SLC36A1: variants seen among roughly 807,000 people sequenced by gnomAD.
SLC36A1 encodes the protein solute carrier family 36 member 1, also known as proton-coupled amino acid transporter 1.
In SLC36A1, 30 loss-of-function variants were observed where a neutral mutation model predicts 47.5. The ratio of observed to expected loss-of-function variants is 0.63; its 90% CI spans 0.47 to 0.86. The LOEUF (loss-of-function observed/expected upper bound fraction) is 0.86, where lower values mean the gene tolerates loss of function less well. SLC36A1 is among the 40% of genes least tolerant of loss of function. The probability of loss-of-function intolerance (pLI) is 0.00; values close to 1 mark genes in which losing one functional copy is unlikely to be tolerated. For synonymous variants in SLC36A1, 255 were observed against 249.7 expected (o/e 1.02, Z -0.20); for missense variants, 517 against 606.0 (o/e 0.85, Z 1.54).
At chr5:151,523,133 T>A in the SLC36A1 span, among the ~76,000 whole-genome samples, 1 of 152,100 alleles carries the variant, frequency 6.6e-6, no homozygotes, top group African/African-American at 2.4e-5. Context: ...ACACTTTTAA[T>A]GTACAAGAAA....
At chr5:151,366,468 C>T in the SLC36A1 span, 1 of 277,866 alleles carries the variant, frequency 3.6e-6, no homozygotes, top group South Asian at 4.0e-5. Flanking sequence ...AGAAGGTCCC[C>T]ACCAAAAATC....
chr5:151,544,053 T>C, the SLC36A1 span: 5 of 1,614,026 alleles, frequency 3.1e-6, no homozygotes, highest in East Asian at 6.7e-5. Flanking sequence ...CACCAGTGAG[T>C]GGGGGATCTC....
the SLC36A1 span, among the ~76,000 whole-genome samples, chr5:151,552,406 G>C: frequency 2.0e-5 from 3 of 152,190 alleles, no homozygotes; most frequent in Non-Finnish European, 4.4e-5. Context: ...CAAAGAGCTT[G>C]GGTCAAGGGC....
the SLC36A1 span, chr5:151,420,136 C>G: frequency 1.3e-5 from 2 of 152,244 alleles, no homozygotes; most frequent in Non-Finnish European, 2.9e-5. Context: ...CTGGTGCCCA[C>G]TGAGCCTCCC....
At chr5:151,456,646 T>A (rs574033820) in intron 1 of SLC36A1, among the ~76,000 whole-genome samples, 1 of 152,282 alleles carries the variant, frequency 6.6e-6, no homozygotes, top group Admixed American at 6.5e-5. Flanking sequence ...GAAGCTCTCA[T>A]AGATTTTTAG....
upstream of SLC36A1, among the ~76,000 whole-genome samples, chr5:151,444,888 A>T (rs1376533143): frequency 6.6e-6 from 1 of 152,226 alleles, no homozygotes; most frequent in East Asian, 1.9e-4. Context: ...TGTCACCTGC[A>T]GATAAAGATA....
chr5:151,351,615 G>A, the SLC36A1 span, among the ~76,000 whole-genome samples: 3 of 152,012 alleles, frequency 2.0e-5, no homozygotes, highest in Non-Finnish European at 4.4e-5. Flanking sequence ...TCATTTATCC[G>A]TTTCTTTTTT....
chr5:151,363,779 TTATTCAA>T, the SLC36A1 span, among the ~76,000 whole-genome samples: 1 of 152,322 alleles, frequency 6.6e-6, no homozygotes, highest in East Asian at 1.9e-4. Flanking sequence ...TCCCATGGTG[TTATTCAA>T]GATTTATGGG....
the SLC36A1 span, chr5:151,522,087 C>T: frequency 6.3e-7 from 1 of 1,577,438 alleles, no homozygotes; most frequent in Non-Finnish European, 8.7e-7. Flanking sequence ...TGTCTGACGC[C>T]TGTGGGCAAA....
the SLC36A1 span, chr5:151,542,205 A>G: frequency 7.1e-7 from 1 of 1,399,792 alleles, no homozygotes; most frequent in Non-Finnish European, 9.7e-7. Context: ...AATCCAGGAC[A>G]TGAACCCATT....
At chr5:151,398,537 C>T in the SLC36A1 span, among the ~76,000 whole-genome samples, 2 of 152,104 alleles carry the variant, frequency 1.3e-5, no homozygotes, top group African/African-American at 4.8e-5. Flanking sequence ...AACCTGTTTC[C>T]TTATTTGTGG....
the SLC36A1 span, among the ~76,000 whole-genome samples, chr5:151,403,106 A>C: frequency 6.6e-6 from 1 of 151,756 alleles, no homozygotes; most frequent in East Asian, 1.9e-4. Context: ...TTAGAGCGTT[A>C]ATTTGAGATC....
At chr5:151,459,938 C>T (rs1383607377) in intron 2 of SLC36A1, 1 of 152,290 alleles carries the variant, frequency 6.6e-6, no homozygotes, top group Non-Finnish European at 1.5e-5. Context: ...CCCGTCACCA[C>T]CACTAGCTGA....
At chr5:151,496,646 C>T (rs542985645), downstream of SLC36A1, among the ~76,000 whole-genome samples, 1 of 152,298 alleles carries the variant, frequency 6.6e-6, no homozygotes, top group East Asian at 1.9e-4. Flanking sequence ...ACCCCTGCCT[C>T]CTGGGTTCAA....
intron 10 of SLC36A1, among the ~76,000 whole-genome samples, chr5:151,485,009 C>G (rs1048515076): frequency 6.6e-5 from 10 of 152,214 alleles, no homozygotes; most frequent in Admixed American, 3.3e-4. Flanking sequence ...GTCTTGGTGT[C>G]GGTACCACAG....
At chr5:151,554,113 C>G in the SLC36A1 span, among the ~76,000 whole-genome samples, 1 of 152,218 alleles carries the variant, frequency 6.6e-6, no homozygotes, top group East Asian at 1.9e-4. Context: ...CCCTGTTACT[C>G]TCACTAAATC....
At chr5:151,362,159 C>A in the SLC36A1 span, among the ~76,000 whole-genome samples, 1 of 151,982 alleles carries the variant, frequency 6.6e-6, no homozygotes, top group East Asian at 1.9e-4. Context: ...GCTTTCTACC[C>A]CTTGCTGTTG....
the SLC36A1 span, among the ~76,000 whole-genome samples, chr5:151,553,885 T>G: frequency 1.3e-5 from 2 of 152,342 alleles, no homozygotes; most frequent in Admixed American, 1.3e-4. Context: ...TCGATTCACC[T>G]GCCAGATGAA....
chr5:151,455,341 A>AT (rs5872207), intron 1 of SLC36A1, among the ~76,000 whole-genome samples: 24,889 of 150,812 alleles, frequency 0.17, 2,447 homozygotes, highest in Non-Finnish European at 0.23. Context: ...CCCAAGCAGA[A>AT]TTTTTTTTTT....
Sources: gnomAD v4.1 joint callset for allele counts (sites outside exome capture counted in the v4.1 genomes callset) on GRCh38, gnomAD v4.1.1 for gene constraint, MANE v1.5 for transcripts, NCBI Gene and HGNC (gene_info 2026-07-23, HGNC 2026-07-21) for gene names.